The following SMIM36 variants were observed in gnomAD, a reference collection of about 807,000 sequenced individuals.
SMIM36 encodes small integral membrane protein 36.
the SMIM36 span, among the ~76,000 whole-genome samples, chr17:55,519,908 T>C: frequency 2.0e-5 from 3 of 152,228 alleles, no homozygotes; most frequent in Non-Finnish European, 4.4e-5. Context: ...GGTATATAAA[T>C]TTTTTGTGGT....
intron 1 of SMIM36, among the ~76,000 whole-genome samples, chr17:55,501,476 A>G (rs1386649124): frequency 1.0e-5 from 1 of 95,788 alleles, no homozygotes; most frequent in Non-Finnish European, 1.9e-5. Context: ...TATATTTTAT[A>G]ATTATTATAT....
At chr17:55,502,088 C>T (rs1383204418) in intron 1 of SMIM36, among the ~76,000 whole-genome samples, 2 of 151,620 alleles carry the variant, frequency 1.3e-5, no homozygotes, top group Non-Finnish European at 2.9e-5. Flanking sequence ...CACGGAATCT[C>T]GCTGATTGCT....
chr17:55,524,636 C>A, the SMIM36 span, among the ~76,000 whole-genome samples: 2 of 152,092 alleles, frequency 1.3e-5, no homozygotes, highest in Non-Finnish European at 2.9e-5. Context: ...GATGGTATCT[C>A]ATTGTGGTTT....
At chr17:55,512,042 C>T (rs900673772), upstream of SMIM36, among the ~76,000 whole-genome samples, 7 of 152,244 alleles carry the variant, frequency 4.6e-5, no homozygotes, top group East Asian at 1.9e-4. Flanking sequence ...TTGCACAATT[C>T]GCCATTTAAG....
chr17:55,511,420 G>A (rs559428378), exon 1 of SMIM36: 6 of 397,236 alleles, frequency 1.5e-5, no homozygotes, highest in African/African-American at 8.2e-5. Context: ...TTAGAGCATC[G>A]GAATAGCTAC....
chr17:55,488,600 G>A (rs1909649305), intron 1 of SMIM36, among the ~76,000 whole-genome samples: 2 of 152,130 alleles, frequency 1.3e-5, no homozygotes, highest in Admixed American at 6.5e-5. Context: ...TACAATATCA[G>A]TATATTTGTT....
intron 1 of SMIM36, among the ~76,000 whole-genome samples, chr17:55,509,306 C>T (rs1045778707): frequency 6.6e-6 from 1 of 152,154 alleles, no homozygotes; most frequent in Non-Finnish European, 1.5e-5. Context: ...AATTATTTTG[C>T]TTTCAAGCTT....
chr17:55,519,091 G>T, the SMIM36 span, among the ~76,000 whole-genome samples: 1 of 151,410 alleles, frequency 6.6e-6, no homozygotes, highest in Non-Finnish European at 1.5e-5. Flanking sequence ...GTGAATTTTT[G>T]AAATAGTTAT....
intron 1 of SMIM36, among the ~76,000 whole-genome samples, chr17:55,496,609 G>A (rs1017782389): frequency 1.3e-5 from 2 of 152,190 alleles, no homozygotes; most frequent in South Asian, 2.1e-4. Flanking sequence ...GGAAGATGAC[G>A]TAATGAGAAA....
At chr17:55,480,566 C>G (rs1234731772) in intron 1 of SMIM36, among the ~76,000 whole-genome samples, 1 of 152,188 alleles carries the variant, frequency 6.6e-6, no homozygotes, top group Non-Finnish European at 1.5e-5. Context: ...TTGACTTACT[C>G]CAAACCCACA....
At chr17:55,456,527 T>G (rs536203854) in intron 4 of SMIM36, among the ~76,000 whole-genome samples, 1 of 152,312 alleles carries the variant, frequency 6.6e-6, no homozygotes, top group South Asian at 2.1e-4. Flanking sequence ...GATCCCTAAA[T>G]TTCTTAAGGC....
intron 4 of SMIM36, among the ~76,000 whole-genome samples, chr17:55,457,539 T>G (rs1283623709): frequency 6.6e-6 from 1 of 151,954 alleles, no homozygotes; most frequent in African/African-American, 2.4e-5. Context: ...TTATTTTTTG[T>G]TTTTGAGACG....
intron 1 of SMIM36, among the ~76,000 whole-genome samples, chr17:55,503,032 T>G (rs1334796314): frequency 6.8e-6 from 1 of 147,662 alleles, no homozygotes; most frequent in South Asian, 2.2e-4. Context: ...GAAAAAAGAA[T>G]AAAAAGAAAT....
At chr17:55,524,738 C>T in the SMIM36 span, among the ~76,000 whole-genome samples, 10 of 152,066 alleles carry the variant, frequency 6.6e-5, no homozygotes, top group Non-Finnish European at 1.5e-4. Context: ...TATTCTATTA[C>T]TAGTAACAAT....
At chr17:55,459,689 G>A (rs566543991) in intron 4 of SMIM36, among the ~76,000 whole-genome samples, 1 of 152,262 alleles carries the variant, frequency 6.6e-6, no homozygotes, top group Admixed American at 6.5e-5. Context: ...TTAGCAACAT[G>A]CCTAGAATAG....
chr17:55,501,064 T>TATTTTA (rs371719251), intron 1 of SMIM36, among the ~76,000 whole-genome samples: 1 of 61,902 alleles, frequency 1.6e-5, no homozygotes, highest in Non-Finnish European at 2.8e-5. Context: ...TAATATATTA[T>TATTTTA]TATATATTAT....
chr17:55,454,752 GCTT>G (rs1908986208), intron 4 of SMIM36, among the ~76,000 whole-genome samples: 1 of 152,084 alleles, frequency 6.6e-6, no homozygotes, highest in Non-Finnish European at 1.5e-5. Context: ...AAAACCTCTG[GCTT>G]CTTATTTGAG....
At chr17:55,495,507 A>G (rs11871416) in intron 1 of SMIM36, among the ~76,000 whole-genome samples, 47,346 of 152,120 alleles carry the variant, frequency 0.31, 11,162 homozygotes, top group African/African-American at 0.63. Context: ...AACCAATAAT[A>G]GACTGGGCGT....
intron 1 of SMIM36, among the ~76,000 whole-genome samples, chr17:55,508,831 G>A (rs1910130054): frequency 1.3e-5 from 2 of 151,030 alleles, no homozygotes; most frequent in African/African-American, 4.9e-5. Flanking sequence ...GCTGAGGCAG[G>A]AGCATTGCTT....
Sources: gnomAD v4.1 joint callset for allele counts (sites outside exome capture counted in the v4.1 genomes callset) on GRCh38, gnomAD v4.1.1 for gene constraint, MANE v1.5 for transcripts, NCBI Gene and HGNC (gene_info 2026-07-23, HGNC 2026-07-21) for gene names.